BACE2: variants seen among roughly 807,000 people sequenced by gnomAD.
The protein encoded by BACE2 is beta-secretase 2.
Under a neutral mutation model 46.2 loss-of-function variants are expected in BACE2, and 17 were observed. That is an observed-to-expected ratio of 0.37 (90% CI 0.25 to 0.55). The LOEUF (loss-of-function observed/expected upper bound fraction) is 0.55. Among genes scored for constraint, BACE2 ranks in the 20% least tolerant of loss-of-function variants. The pLI, the probability that BACE2 is intolerant of heterozygous loss-of-function variation, is 0.82. For missense variants in BACE2, 595 were observed against 698.1 expected (o/e 0.85, Z 1.66); for synonymous variants, 277 against 295.9 (o/e 0.94, Z 0.66).
chr21:41,210,004 C>T (rs938378094), intron 1 of BACE2, among the ~76,000 whole-genome samples: 2 of 152,090 alleles, frequency 1.3e-5, no homozygotes, highest in East Asian at 1.9e-4. Context: ...CCCCCTTCCC[C>T]CTAACCAACC....
In BACE2 at chr21:41,193,230, C is replaced by T. The variant is rs1360512967; in HGVS notation, c.312+24655C>T. Among the ~76,000 whole-genome samples, 1 of 152,192 alleles carries T rather than the reference C, an allele frequency of 6.6e-6. No homozygotes were observed. The highest frequency in any genetic ancestry group is 1.5e-5 in the Non-Finnish European group (1 of 68,024). On this transcript the variant is annotated intron_variant, in intron 1 of 8. Transcript: ENST00000330333. The surrounding 1 kb of genome is among the most constrained non-coding windows in gnomAD (Gnocchi z 4.2). ...AGTAAAGGTGTATTGCCGGCCTTGC[C>T]AGCGGAAGGCAAATTGCTTCTGGTG...
chr21:41,229,285 TCG>T (rs959486303), intron 2 of BACE2, among the ~76,000 whole-genome samples: 21 of 152,216 alleles, frequency 1.4e-4, no homozygotes, highest in Non-Finnish European at 1.9e-4. Context: ...TTGCATTTCC[TCG>T]TTTAGCAATT....
At position 41,254,877 on chromosome 21, in the gene BACE2, T is replaced by C. The variant is rs541337888; in HGVS notation, c.1135-2281T>C. On this transcript the variant is annotated intron_variant, in intron 7 of 8. Coordinates refer to ENST00000330333, the MANE Select transcript of BACE2 (RefSeq NM_012105.5). ...ATTGTCCTGCCTCCGTCAGGCTGCCTACTTTTAAAACTCTGTCTGCCCGAG... is the reference window on the plus strand; with the variant it reads ...ATTGTCCTGCCTCCGTCAGGCTGCCCACTTTTAAAACTCTGTCTGCCCGAG... Among the ~76,000 whole-genome samples the C allele has an allele frequency of 2.4e-4, 37 of 152,368 alleles. 1 individual carries two copies. The Middle Eastern group carries it at 0.017, about 70-fold the overall frequency.
intron 1 of BACE2, chr21:41,179,804 A>G (rs1378885073): frequency 3.9e-6 from 2 of 517,438 alleles, no homozygotes; most frequent in Non-Finnish European, 6.7e-6. Context: ...TTTATTCAAC[A>G]GTGTCCTGGG....
intron 1 of BACE2, chr21:41,176,469 C>T (rs1299536197): frequency 6.6e-6 from 1 of 152,298 alleles, no homozygotes; most frequent in East Asian, 1.9e-4. Flanking sequence ...TATTATATCC[C>T]TTGAGTCCCC....
intron 1 of BACE2, among the ~76,000 whole-genome samples, chr21:41,205,719 G>A (rs1216347769): frequency 6.6e-6 from 1 of 152,130 alleles, no homozygotes; most frequent in African/African-American, 2.4e-5. Flanking sequence ...CACATGAATT[G>A]TCTGTAGTTG....
At chr21:41,246,105 T>G (rs1987466174) in intron 6 of BACE2, 42 bp downstream of exon 6, 1 of 1,491,510 alleles carries the variant, frequency 6.7e-7, no homozygotes. Context: ...GTTGCTGAGT[T>G]ACAGTCACCT....
intron 2 of BACE2, among the ~76,000 whole-genome samples, chr21:41,230,547 T>A (rs1490005548): frequency 6.6e-6 from 1 of 152,264 alleles, no homozygotes; most frequent in Non-Finnish European, 1.5e-5. Flanking sequence ...TGCCCTGTGA[T>A]GTGTCTGTAT....
At position 41,246,045 on chromosome 21, in the gene BACE2, T is replaced by G. The variant is rs775998686; in HGVS notation, c.966T>G (p.Ala322=). The G allele has an allele frequency of 6.2e-7, 1 of 1,605,778 alleles. No individual in the cohort carries two copies. Among genetic ancestry groups the G allele is most frequent in the South Asian group, 1.1e-5 (1 of 89,284 alleles). ...AGGTGTTTGATGCGGTGGTGGAAGC[T>G]GTGGCCCGCGCATCTCTGGTGAGTC... ...PQKVFDAVVE[A]VARASLIPEF... The change falls in exon 6 of 9, where the codon GCT becomes GCG. Residue 322 remains alanine (A), a synonymous_variant. Transcript: ENST00000330333.
intron 8 of BACE2, among the ~76,000 whole-genome samples, chr21:41,274,630 T>C (rs981124453): frequency 1.3e-5 from 2 of 152,210 alleles, no homozygotes; most frequent in Admixed American, 6.5e-5. Context: ...CATCTCAACT[T>C]CCTTCTTGGT....
intron 1 of BACE2, among the ~76,000 whole-genome samples, chr21:41,172,308 G>A (rs753729524): frequency 2.6e-5 from 4 of 152,182 alleles, no homozygotes; most frequent in Non-Finnish European, 5.9e-5. Context: ...GGAGGGACAG[G>A]AGTCTGAGAA....
intron 1 of BACE2, among the ~76,000 whole-genome samples, chr21:41,214,118 T>C (rs909599081): frequency 1.3e-5 from 2 of 152,220 alleles, no homozygotes; most frequent in African/African-American, 4.8e-5. Context: ...CCCATGAGAA[T>C]GGTCATCACC....
intron 1 of BACE2, among the ~76,000 whole-genome samples, chr21:41,221,928 G>A (rs909388731): frequency 2.6e-5 from 4 of 152,054 alleles, no homozygotes. Context: ...AAAAATCCCT[G>A]TCAGAGGGAG....
At chr21:41,203,527 G>A (rs73364462) in intron 1 of BACE2, among the ~76,000 whole-genome samples, 8,583 of 152,180 alleles carry the variant, frequency 0.056, 837 homozygotes, top group African/African-American at 0.19. Flanking sequence ...GGCTGCGAGG[G>A]TGAATGAGGA....
At chr21:41,240,706 C>T (rs558628553) in intron 3 of BACE2, among the ~76,000 whole-genome samples, 31 of 152,328 alleles carry the variant, frequency 2.0e-4, no homozygotes, top group African/African-American at 6.5e-4. Flanking sequence ...TTGACCCAAA[C>T]GCCCACAAGT....
In BACE2 at chr21:41,277,664, T is replaced by A. The variant is rs1213188361; in HGVS notation, c.*2040T>A. 6.6e-6 allele frequency: 1 copy of A among 152,258 alleles called. No homozygotes were observed. The allele number at this position is 152,258 out of a possible 1,614,324, so 9.4% of individuals were successfully genotyped here. On this transcript the variant is annotated 3_prime_UTR_variant, in exon 9 of 9. Coordinates refer to ENST00000330333, the MANE Select transcript of BACE2 (RefSeq NM_012105.5). ...ATGCCCTGATTAGTTTTCCTGCTTA[T>A]TTCTTCATACAGGCATCTTCTGTTC...
intron 8 of BACE2, 90 bp downstream of exon 8, chr21:41,257,416 A>G: frequency 7.2e-7 from 1 of 1,397,246 alleles, no homozygotes; most frequent in South Asian, 1.3e-5. Context: ...TGGCAACTCA[A>G]TTACCATTGA....
chr21:41,243,275 T>C, intron 4 of BACE2, 101 bp from the exon 5 acceptor site: 1 of 945,688 alleles, frequency 1.1e-6, no homozygotes, highest in African/African-American at 1.7e-5. Flanking sequence ...GAAGCCCTGA[T>C]TGCAGTGAAG....
chr21:41,238,954 TAAAAAAAAAAA>T (rs34474586), intron 3 of BACE2, among the ~76,000 whole-genome samples: 4 of 85,658 alleles, frequency 4.7e-5, no homozygotes, highest in Non-Finnish European at 6.6e-5. Context: ...AAAGTATAAT[TAAAAAAAAAAA>T]AAAAAAAAAA....
Sources: allele counts gnomAD v4.1 joint callset (sites outside exome capture counted in the v4.1 genomes callset), GRCh38; gene constraint gnomAD v4.1.1; non-coding constraint Gnocchi (gnomAD v3.1); transcripts MANE v1.5; gene names NCBI Gene and HGNC (gene_info 2026-07-23, HGNC 2026-07-21).